FGF13: variants seen among roughly 807,000 people sequenced by gnomAD.
FGF13 encodes the protein fibroblast growth factor homologous factor 2.
Under a neutral mutation model 19.5 loss-of-function variants are expected in FGF13, and 2 were observed. That is an observed-to-expected ratio of 0.10 (90% CI 0.04 to 0.32). The LOEUF is 0.32. FGF13 is among the 10% of genes least tolerant of loss of function. The pLI is 1.00. For missense variants in FGF13, 113 were observed against 192.7 expected, an observed-to-expected ratio of 0.59 and a Z score of 2.45; for synonymous variants, 72 against 76.9, an observed-to-expected ratio of 0.94 and a Z score of 0.33.
intron 1 of FGF13, among the ~76,000 whole-genome samples, chrX:138,726,386 CTCTCTGA>C (rs1301254706): frequency 2.7e-5 from 3 of 111,699 alleles, no homozygotes; most frequent in Non-Finnish European, 3.8e-5. Flanking sequence ...GCTATTTAAC[CTCTCTGA>C]TCTTCAATTT....
chrX:138,993,679 G>A (rs987385273), intron 1 of FGF13, among the ~76,000 whole-genome samples: 10 of 111,589 alleles, frequency 9.0e-5, no homozygotes, highest in African/African-American at 3.3e-4. Flanking sequence ...CCAGACAAAC[G>A]AAATTCTCGC....
intron 1 of FGF13, among the ~76,000 whole-genome samples, chrX:139,134,748 A>G (rs1183057861): frequency 9.0e-6 from 1 of 111,684 alleles, no homozygotes; most frequent in East Asian, 2.8e-4. Context: ...TCCCGGGTTC[A>G]AACAGTTCTC....
intron 3 of FGF13, among the ~76,000 whole-genome samples, chrX:138,804,516 T>G (rs1163511723): frequency 2.7e-5 from 3 of 112,120 alleles, no homozygotes; most frequent in African/African-American, 6.5e-5. Context: ...TTCTTCAGCA[T>G]GAATTATTCC....
chrX:138,853,947 T>C (rs1051613813), downstream of FGF13, among the ~76,000 whole-genome samples: 7 of 111,634 alleles, frequency 6.3e-5, no homozygotes, highest in Admixed American at 5.7e-4. Flanking sequence ...ACTATGCTAA[T>C]ATTAGATTGG....
At chrX:138,922,186 T>C (rs2091650260) in intron 1 of FGF13, among the ~76,000 whole-genome samples, 2 of 110,933 alleles carry the variant, frequency 1.8e-5, no homozygotes, top group Admixed American at 1.9e-4. Context: ...AAATTGGGGA[T>C]TTCTAACTAA....
chrX:138,768,107 G>A (rs1327552318), intron 3 of FGF13, among the ~76,000 whole-genome samples: 1 of 112,074 alleles, frequency 8.9e-6, no homozygotes, highest in Non-Finnish European at 1.9e-5. Context: ...ACCCATCCAG[G>A]GGGCAGCATC....
chrX:138,926,444 T>A (rs894019598), intron 1 of FGF13, among the ~76,000 whole-genome samples: 2 of 111,699 alleles, frequency 1.8e-5, no homozygotes, highest in African/African-American at 6.5e-5. Context: ...AAGAAAAATG[T>A]GAGCAGAATA....
At position 138,698,586 on chromosome X, in the gene FGF13, T is replaced by C. The variant is rs1415567171; in HGVS notation, c.402+4398A>G. ...AGTGCTATTCAACAACCATTTTTCT[T>C]AAGCTCAGATCAGTGGTTTTCATAA... On this transcript the variant is annotated intron_variant, in intron 3 of 4. Transcript: ENST00000315930. Among the ~76,000 whole-genome samples, 3 of 111,824 alleles carry C rather than the reference T, an allele frequency of 2.7e-5. No homozygotes were observed. In the Admixed American group the frequency reaches 2.9e-4, roughly 11 times the overall value.
At chrX:139,137,565 C>T (rs1320021676) in intron 1 of FGF13, among the ~76,000 whole-genome samples, 1 of 112,041 alleles carries the variant, frequency 8.9e-6, no homozygotes, top group African/African-American at 3.2e-5. Flanking sequence ...CACAGAAGCC[C>T]ACCCAAGTAT....
chrX:139,129,128 CACACACATACACATACAT>C (rs1440612168), intron 1 of FGF13, among the ~76,000 whole-genome samples: 4 of 97,782 alleles, frequency 4.1e-5, no homozygotes, highest in African/African-American at 1.2e-4. Context: ...GAAATATACA[CACACACATACACATACAT>C]ACACACATAC....
At chrX:138,936,499 A>C (rs755975748) in intron 1 of FGF13, among the ~76,000 whole-genome samples, 4 of 112,475 alleles carry the variant, frequency 3.6e-5, no homozygotes, top group Non-Finnish European at 5.6e-5. Flanking sequence ...AGCTATTGTT[A>C]TAATAAGTAT....
intron 1 of FGF13, among the ~76,000 whole-genome samples, chrX:138,952,275 A>G (rs1281514606): frequency 1.8e-5 from 2 of 111,587 alleles, no homozygotes; most frequent in South Asian, 3.8e-4. Context: ...ATAATGCCAC[A>G]TATCTACAAC....
At position 138,627,607 on chromosome X, in the gene FGF13, G is replaced by GCC. The variant is rs144849421; in HGVS notation, c.*5242_*5243insGG. The GCC allele has an allele frequency of 1.1e-5, 1 of 92,563 alleles. No homozygotes were observed. The highest frequency in any genetic ancestry group is 2.1e-5 in the Non-Finnish European group (1 of 47,641). The allele number at this position is 92,563 out of a possible 1,213,427, so 7.6% of individuals were successfully genotyped here. ...CTAGTGTGTGTGTGCCTGTGTGTGT[G>GCC]TGTGTGTGTGTGTGTGTGTGCGCGT... On this transcript the variant is annotated 3_prime_UTR_variant, in exon 5 of 5. Coordinates refer to ENST00000315930, the MANE Select transcript of FGF13 (RefSeq NM_004114.5).
intron 1 of FGF13, among the ~76,000 whole-genome samples, chrX:139,154,106 CAA>C (rs1307231361): frequency 9.0e-6 from 1 of 111,608 alleles, no homozygotes; most frequent in East Asian, 2.8e-4. Flanking sequence ...AGACCAAACA[CAA>C]AAAAGTCTTC....
intron 3 of FGF13, among the ~76,000 whole-genome samples, chrX:138,753,713 T>G (rs1345469979): frequency 8.9e-6 from 1 of 112,048 alleles, no homozygotes; most frequent in African/African-American, 3.2e-5. Context: ...AGTGGTATAA[T>G]ATGGAGACAG....
chrX:139,122,388 T>G (rs1429735267), intron 1 of FGF13, among the ~76,000 whole-genome samples: 1 of 110,755 alleles, frequency 9.0e-6, no homozygotes, highest in African/African-American at 3.3e-5. Flanking sequence ...CATAAGGAGG[T>G]GGATTCTCAT....
intron 1 of FGF13, among the ~76,000 whole-genome samples, chrX:139,031,972 G>A (rs1318270600): frequency 1.8e-5 from 2 of 111,132 alleles, no homozygotes; most frequent in East Asian, 5.7e-4. Flanking sequence ...TGCCCAATAA[G>A]AACAGACCAG....
At chrX:139,164,186 T>C (rs1480002634) in intron 1 of FGF13, among the ~76,000 whole-genome samples, 1 of 109,165 alleles carries the variant, frequency 9.2e-6, no homozygotes, top group Non-Finnish European at 1.9e-5. Flanking sequence ...ACATGTGACA[T>C]GCTGGTGCGC....
At chrX:138,720,107 G>A (rs748602385) in intron 1 of FGF13, among the ~76,000 whole-genome samples, 5 of 112,309 alleles carry the variant, frequency 4.5e-5, no homozygotes, top group South Asian at 7.4e-4. Context: ...ACTCTACTCC[G>A]GGCACTATTC....
Sources: gnomAD v4.1 joint callset for allele counts (sites outside exome capture counted in the v4.1 genomes callset) on GRCh38, gnomAD v4.1.1 for gene constraint, MANE v1.5 for transcripts, NCBI Gene and HGNC (gene_info 2026-07-23, HGNC 2026-07-21) for gene names.